ZNF713: variants seen among roughly 807,000 people sequenced by gnomAD.
The protein encoded by ZNF713 is zinc finger protein 713.
A neutral mutation model predicts 28.7 loss-of-function variants in ZNF713; 21 were observed. The observed-to-expected ratio is 0.73, with a 90% confidence interval of 0.52 to 1.05. The LOEUF (loss-of-function observed/expected upper bound fraction) is 1.05, where lower values mean the gene tolerates loss of function less well. Ranked by LOEUF, ZNF713 falls within the 50% of genes least tolerant of loss-of-function variation. The probability of loss-of-function intolerance (pLI) is 0.00; values close to 1 mark genes in which losing one functional copy is unlikely to be tolerated. For synonymous variants in ZNF713, 167 were observed against 178.0 expected (o/e 0.94, Z 0.49); for missense variants, 458 against 532.4 (o/e 0.86, Z 1.37).
chr7:55,899,242 A>G (rs1331759842), intron 1 of ZNF713, among the ~76,000 whole-genome samples: 1 of 151,424 alleles, frequency 6.6e-6, no homozygotes, highest in Non-Finnish European at 1.5e-5. Flanking sequence ...AGTCCCAGCT[A>G]CTTGGGAGGC....
chr7:55,936,366 A>T (rs1786346157), intron 6 of ZNF713, among the ~76,000 whole-genome samples: 1 of 151,968 alleles, frequency 6.6e-6, no homozygotes, highest in Non-Finnish European at 1.5e-5. Context: ...GGGAAGAGGT[A>T]GAAGGATGCA....
chr7:55,933,376 A>G (rs368626005), intron 6 of ZNF713, among the ~76,000 whole-genome samples: 120 of 149,704 alleles, frequency 8.0e-4, no homozygotes, highest in African/African-American at 2.7e-3. Flanking sequence ...CGACTCTGCA[A>G]CCTCCACCTC....
Position 55,923,247 on chromosome 7 carries a change from G to A in ZNF713, c.173G>A (p.Arg58Gln), listed in dbSNP as rs1786028391. 24 of 1,613,794 alleles carry A rather than the reference G, an allele frequency of 1.5e-5. No homozygotes were observed. The highest frequency in any genetic ancestry group is 2.0e-5 in the Non-Finnish European group (24 of 1,179,908). Reference sequence around the variant, plus strand: ...TACCCTGCCCAAAAGAACCTCTATCGAGACGTGATGCTGGAGAACTACAGG... The same window carrying A: ...TACCCTGCCCAAAAGAACCTCTATCAAGACGTGATGCTGGAGAACTACAGG... ...QLYPAQKNLY[R>Q]DVMLENYRNL... Residue 58 changes from arginine to glutamine, a missense_variant, in exon 5 of 7, where the codon CGA (arginine) becomes CAA (glutamine). Arg to Gln is a conservative substitution (Grantham distance 43). Transcript: ENST00000429591.
chr7:55,895,213 T>C (rs1169850389), intron 1 of ZNF713, among the ~76,000 whole-genome samples: 3 of 152,090 alleles, frequency 2.0e-5, no homozygotes, highest in Non-Finnish European at 4.4e-5. Context: ...TGAACCAATG[T>C]ACTAGACATG....
At chr7:55,913,390 A>G (rs57251705) in intron 4 of ZNF713, among the ~76,000 whole-genome samples, 43,307 of 149,856 alleles carry the variant, frequency 0.29, 6,604 homozygotes, top group Middle Eastern at 0.38. Context: ...TTTAGTAGAG[A>G]TGAGCTTTCA....
intron 6 of ZNF713, among the ~76,000 whole-genome samples, chr7:55,927,914 A>AAAAAAAAAAAAAAAC (rs1786133100): frequency 6.7e-6 from 1 of 149,814 alleles, no homozygotes; most frequent in Non-Finnish European, 1.5e-5. Context: ...AAAAAAAAAA[A>AAAAAAAAAAAAAAAC]AAAAAAGCCA....
chr7:55,931,999 C>CA (rs1786219563), intron 6 of ZNF713, among the ~76,000 whole-genome samples: 1 of 152,168 alleles, frequency 6.6e-6, no homozygotes, highest in South Asian at 2.1e-4. Context: ...ACTCTGGAGT[C>CA]AAAGTCCACG....
At chr7:55,906,817 A>G (rs1264150936) in intron 2 of ZNF713, among the ~76,000 whole-genome samples, 1 of 152,212 alleles carries the variant, frequency 6.6e-6, no homozygotes, top group Non-Finnish European at 1.5e-5. Flanking sequence ...CGTAAGCAGC[A>G]GTAGCCAAAA....
chr7:55,898,472 T>TA (rs1785513983), intron 1 of ZNF713, among the ~76,000 whole-genome samples: 1 of 152,172 alleles, frequency 6.6e-6, no homozygotes, highest in Admixed American at 6.5e-5. Flanking sequence ...TCAGGAAACT[T>TA]ACAAGCATGG....
chr7:55,922,218 C>T (rs1786005867), intron 4 of ZNF713, among the ~76,000 whole-genome samples: 1 of 152,024 alleles, frequency 6.6e-6, no homozygotes, highest in Non-Finnish European at 1.5e-5. Context: ...TGAGCCACCA[C>T]GCCTGGCCTT....
At chr7:55,928,208 G>A (rs1786139641) in intron 6 of ZNF713, among the ~76,000 whole-genome samples, 2 of 152,158 alleles carry the variant, frequency 1.3e-5, no homozygotes, top group Admixed American at 6.6e-5. Flanking sequence ...GAGGGCCCCC[G>A]TGAGACTCTG....
intron 1 of ZNF713, among the ~76,000 whole-genome samples, chr7:55,887,887 G>A (rs1214213848): frequency 0.021 from 2,251 of 108,566 alleles, 657 homozygotes; most frequent in African/African-American, 0.076. Flanking sequence ...CGGCGGCGGC[G>A]GGCGGCGGCG....
chr7:55,939,073 C>CG lies in ZNF713; in HGVS notation c.400dup (p.Ala134GlyfsTer17). 2 of 1,613,970 alleles carry CG rather than the reference C, an allele frequency of 1.2e-6. No individual in the cohort carries two copies. The highest frequency in any genetic ancestry group is 1.7e-6 in the Non-Finnish European group (2 of 1,179,950). On this transcript the variant is annotated frameshift_variant, in exon 7 of 7. Transcript: ENST00000429591. LOFTEE classifies it high-confidence loss of function. Reference sequence around the variant, plus strand: ...CCCATGAGATGATAATGGAGAGACTCGCAGGAGACAGCTTCTGGTACTCCA... The same window carrying CG: ...CCCATGAGATGATAATGGAGAGACTCGGCAGGAGACAGCTTCTGGTACTCCA...
chr7:55,906,501 G>A (rs1461004238), intron 2 of ZNF713, 122 bp downstream of exon 2: 1 of 152,170 alleles, frequency 6.6e-6, no homozygotes, highest in African/African-American at 2.4e-5. Context: ...CTTTGCACAG[G>A]AGATTCAGGT....
chr7:55,920,217 T>C (rs1379216522), intron 4 of ZNF713, among the ~76,000 whole-genome samples: 1 of 152,228 alleles, frequency 6.6e-6, no homozygotes, highest in Non-Finnish European at 1.5e-5. Context: ...AATCTACTCC[T>C]GGTGAAGATG....
At chr7:55,897,973 G>A (rs1192731689) in intron 1 of ZNF713, among the ~76,000 whole-genome samples, 1 of 152,172 alleles carries the variant, frequency 6.6e-6, no homozygotes, top group African/African-American at 2.4e-5. Flanking sequence ...TCAGGATGGA[G>A]GCTAGTGGCT....
chr7:55,939,047 A>G lies in ZNF713; in HGVS notation c.373A>G (p.Thr125Ala), dbSNP rs1584322748. Reference sequence around the variant, plus strand: ...CCAGAATATTTCTGATGAAAATCAAACCCATGAGATGATAATGGAGAGACT... The same window carrying G: ...CCAGAATATTTCTGATGAAAATCAAGCCCATGAGATGATAATGGAGAGACT... ...TSQNISDENQ[T>A]HEMIMERLAG... The change falls in exon 7 of 7, where the codon ACC (threonine) becomes GCC (alanine). Residue 125 changes from threonine (T) to alanine (A), a missense_variant. By Grantham distance (58) the Thr-to-Ala change is moderately conservative. Transcript: ENST00000429591. 1 of 1,609,372 alleles carries G rather than the reference A, an allele frequency of 6.2e-7. No individual in the cohort carries two copies.
intron 2 of ZNF713, among the ~76,000 whole-genome samples, chr7:55,909,861 C>A (rs1041551515): frequency 2.0e-5 from 3 of 151,950 alleles, no homozygotes; most frequent in African/African-American, 7.3e-5. Flanking sequence ...TGGTTTGGTT[C>A]TCAGCTTGAA....
At chr7:55,887,877 CGGCGGCGGCGGGCGG>C in intron 1 of ZNF713, among the ~76,000 whole-genome samples, 197 bp downstream of exon 1, 1 of 22,842 alleles carries the variant, frequency 4.4e-5, no homozygotes, top group South Asian at 1.0e-3. Flanking sequence ...GCGGCGGCGG[CGGCGGCGGCGGGCGG>C]CGGCGGCGGC....
Sources: allele counts gnomAD v4.1 joint callset (sites outside exome capture counted in the v4.1 genomes callset), GRCh38; gene constraint gnomAD v4.1.1; transcripts MANE v1.5; gene names NCBI Gene and HGNC (gene_info 2026-07-23, HGNC 2026-07-21).